Variants in HDAC9 observed in about 807,000 individuals in gnomAD.
HDAC9 encodes MEF-2 interacting transcription repressor (MITR) protein.
A neutral mutation model predicts 139.4 loss-of-function variants in HDAC9; 41 were observed. That is an observed-to-expected ratio of 0.29 (90% confidence interval 0.23 to 0.38). The LOEUF (loss-of-function observed/expected upper bound fraction) is 0.38. HDAC9 is among the 10% of genes least tolerant of loss of function. The pLI is 1.00. For synonymous variants in HDAC9, 517 were observed against 476.2 expected (o/e 1.09, Z -1.12); for missense variants, 1,147 against 1,297.0 (o/e 0.88, Z 1.78).
intron 22 of HDAC9, among the ~76,000 whole-genome samples, chr7:18,906,120 T>C (rs1802237298): frequency 6.6e-6 from 1 of 151,628 alleles, no homozygotes; most frequent in Admixed American, 6.6e-5. Context: ...CTTTCAAATG[T>C]CTTTTTCCTT....
At chr7:18,302,723 T>C (rs1798622495) in intron 1 of HDAC9, among the ~76,000 whole-genome samples, 1 of 152,190 alleles carries the variant, frequency 6.6e-6, no homozygotes, top group Admixed American at 6.5e-5. Flanking sequence ...AGTCATTCTG[T>C]AAAGCTAGAA....
intron 21 of HDAC9, among the ~76,000 whole-genome samples, chr7:18,847,416 T>C (rs1796984688): frequency 6.6e-6 from 1 of 151,958 alleles, no homozygotes; most frequent in South Asian, 2.1e-4. Context: ...CATGATACAC[T>C]GAAAAAAAAG....
intron 21 of HDAC9, among the ~76,000 whole-genome samples, chr7:18,851,852 A>G (rs1012267047): frequency 6.6e-6 from 1 of 152,214 alleles, no homozygotes; most frequent in African/African-American, 2.4e-5. Context: ...GAAACATCCA[A>G]TCAAAGTTGG....
chr7:18,901,677 A>G (rs1384304281), intron 22 of HDAC9, among the ~76,000 whole-genome samples: 1 of 152,218 alleles, frequency 6.6e-6, no homozygotes, highest in African/African-American at 2.4e-5. Context: ...TGAACCAACT[A>G]TATCTCAACC....
intron 1 of HDAC9, among the ~76,000 whole-genome samples, chr7:18,132,106 G>A (rs1487800410): frequency 6.6e-6 from 1 of 151,980 alleles, no homozygotes; most frequent in Non-Finnish European, 1.5e-5. Context: ...ATTCTCTATT[G>A]CGTGTTCATT....
At position 18,960,409 on chromosome 7, in the gene HDAC9, A is replaced by T. The variant is rs142996966; in HGVS notation, c.3022+6179A>T. Among the ~76,000 whole-genome samples, 69 of 152,096 alleles carry T rather than the reference A, an allele frequency of 4.5e-4. 4 individuals are homozygous for T. In the East Asian group the frequency reaches 0.012, roughly 27 times the overall value. On this transcript the variant is annotated intron_variant, in intron 24 of 25. Coordinates refer to ENST00000686413, the MANE Select transcript of HDAC9 (RefSeq NM_178425.4). Reference sequence around the variant, plus strand: ...TATGTTATTGTTATTCTTTACTCTTATTCGTCCTCCTCTTCCTATTATTAT... The same window carrying T: ...TATGTTATTGTTATTCTTTACTCTTTTTCGTCCTCCTCTTCCTATTATTAT...
At chr7:18,343,369 G>A (rs989369954) in intron 1 of HDAC9, among the ~76,000 whole-genome samples, 1 of 151,708 alleles carries the variant, frequency 6.6e-6, no homozygotes, top group Non-Finnish European at 1.5e-5. Context: ...AATGTCCAAG[G>A]AAATTTATGT....
At chr7:18,973,429 G>T (rs1784369074) in intron 24 of HDAC9, among the ~76,000 whole-genome samples, 1 of 152,150 alleles carries the variant, frequency 6.6e-6, no homozygotes, top group African/African-American at 2.4e-5. Context: ...TGTACTTATA[G>T]ATGGTATATG....
At chr7:18,175,059 A>G (rs937060318) in intron 2 of HDAC9, among the ~76,000 whole-genome samples, 1 of 152,194 alleles carries the variant, frequency 6.6e-6, no homozygotes, top group African/African-American at 2.4e-5. Flanking sequence ...CCCTGCCCCT[A>G]GAGGTGGAGT....
chr7:18,409,191 T>C (rs1383103505), intron 1 of HDAC9, among the ~76,000 whole-genome samples: 1 of 152,172 alleles, frequency 6.6e-6, no homozygotes, highest in African/African-American at 2.4e-5. Flanking sequence ...CTTTACCTAC[T>C]TGTTAATTGG....
At chr7:18,841,004 A>G (rs533268596) in intron 21 of HDAC9, among the ~76,000 whole-genome samples, 45 of 152,240 alleles carry the variant, frequency 3.0e-4, no homozygotes, top group African/African-American at 1.0e-3. Flanking sequence ...TCCTTGGACA[A>G]GTCAATAATG....
At chr7:18,961,108 T>C (rs192466046) in intron 24 of HDAC9, among the ~76,000 whole-genome samples, 1 of 152,310 alleles carries the variant, frequency 6.6e-6, no homozygotes, top group African/African-American at 2.4e-5. Flanking sequence ...TTCGTATGTC[T>C]CTTCTCCTCT....
intron 24 of HDAC9, among the ~76,000 whole-genome samples, chr7:18,964,363 T>C (rs931394413): frequency 6.6e-6 from 1 of 151,732 alleles, no homozygotes; most frequent in African/African-American, 2.4e-5. Flanking sequence ...TAAGATCAGA[T>C]TTTTTTTTAA....
chr7:18,783,124 G>C (rs947216273), intron 16 of HDAC9, among the ~76,000 whole-genome samples: 1 of 152,008 alleles, frequency 6.6e-6, no homozygotes. Flanking sequence ...ACCAAATTTT[G>C]GTGTATGACT....
intron 12 of HDAC9, among the ~76,000 whole-genome samples, chr7:18,724,031 A>C (rs868622244): frequency 3.3e-5 from 5 of 152,266 alleles, no homozygotes; most frequent in African/African-American, 9.6e-5. Flanking sequence ...CACACACACA[A>C]AAATGTGCAT....
At position 18,278,476 on chromosome 7, in the gene HDAC9, G is replaced by A. The variant is rs187683892; in HGVS notation, c.25+116127G>A. On this transcript the variant is annotated intron_variant, in intron 2 of 12. Transcript: ENST00000417496. Reference sequence around the variant, plus strand: ...GAGCAACAAAGTTCTGTATTGTGCTGTTGCCACAGCAGCACCAATAATTCA... The same window carrying A: ...GAGCAACAAAGTTCTGTATTGTGCTATTGCCACAGCAGCACCAATAATTCA... Among the ~76,000 whole-genome samples, 10 of 152,274 alleles carry A rather than the reference G, an allele frequency of 6.6e-5. No homozygotes were observed. The East Asian group carries it at 1.7e-3, about 26-fold the overall frequency.
intron 16 of HDAC9, among the ~76,000 whole-genome samples, chr7:18,790,685 A>G (rs551769406): frequency 5.2e-4 from 79 of 152,346 alleles, no homozygotes; most frequent in African/African-American, 1.8e-3. Flanking sequence ...AAGCATTTAT[A>G]AACTAAATGT....
intron 2 of HDAC9, among the ~76,000 whole-genome samples, chr7:18,203,706 A>C (rs2128161268): frequency 6.6e-6 from 1 of 152,288 alleles, no homozygotes; most frequent in East Asian, 1.9e-4. Context: ...TGAATGCCTA[A>C]AAAAATGTGT....
intron 21 of HDAC9, chr7:18,851,326 A>G (rs2129223926): frequency 6.6e-6 from 1 of 152,228 alleles, no homozygotes; most frequent in Non-Finnish European, 1.5e-5. Flanking sequence ...CGCTGTTCTC[A>G]TTATAGTGCT....
Sources: gnomAD v4.1 joint callset for allele counts (sites outside exome capture counted in the v4.1 genomes callset) on GRCh38, gnomAD v4.1.1 for gene constraint, MANE v1.5 for transcripts, NCBI Gene and HGNC (gene_info 2026-07-23, HGNC 2026-07-21) for gene names.